Variants in JAK1 observed in about 807,000 individuals in gnomAD.
JAK1 encodes tyrosine-protein kinase JAK1.
In JAK1, 16 loss-of-function variants were observed where a neutral mutation model predicts 136.6. The observed-to-expected ratio is 0.12, with a 90% CI of 0.08 to 0.18. The LOEUF is 0.18. Ranked by LOEUF, JAK1 falls within the 10% of genes least tolerant of loss-of-function variation. JAK1 has a pLI of 1.00. For missense variants in JAK1, 859 were observed against 1,450.1 expected (o/e 0.59, Z 6.62); for synonymous variants, 492 against 519.5 (o/e 0.95, Z 0.72).
chr1:65,051,769 A>G (rs1422299814), intron 1 of JAK1, among the ~76,000 whole-genome samples: 1 of 152,170 alleles, frequency 6.6e-6, no homozygotes, highest in Non-Finnish European at 1.5e-5. Flanking sequence ...AACATCATCA[A>G]TCTCCTCATA....
At chr1:64,936,946 T>C (rs1204322017) in intron 1 of JAK1, among the ~76,000 whole-genome samples, 1 of 151,016 alleles carries the variant, frequency 6.6e-6, no homozygotes, top group Non-Finnish European at 1.5e-5. Flanking sequence ...ATCAAATATA[T>C]GTGAAAAAGA....
intron 2 of JAK1, among the ~76,000 whole-genome samples, chr1:64,998,792 C>T (rs1019730467): frequency 4.6e-5 from 7 of 152,198 alleles, no homozygotes; most frequent in African/African-American, 1.7e-4. Flanking sequence ...TAAGATGTGA[C>T]TTGTTCCTCC....
At chr1:65,047,384 T>C (rs1013393137) in intron 1 of JAK1, among the ~76,000 whole-genome samples, 1 of 152,196 alleles carries the variant, frequency 6.6e-6, no homozygotes, top group Middle Eastern at 3.2e-3. Context: ...CAAAAACATT[T>C]GAACCTGGTC....
chr1:65,060,747 T>C (rs1361346602), intron 1 of JAK1, among the ~76,000 whole-genome samples: 4 of 152,318 alleles, frequency 2.6e-5, no homozygotes, highest in South Asian at 4.1e-4. Flanking sequence ...TTCAAAATGG[T>C]ATTTTTAAAA....
chr1:64,858,803 G>C (rs1656108350), intron 9 of JAK1, among the ~76,000 whole-genome samples: 1 of 152,194 alleles, frequency 6.6e-6, no homozygotes. Context: ...AGGAAAATAA[G>C]GTAGAGTGCA....
At chr1:65,032,308 T>C (rs1367000852) in intron 2 of JAK1, among the ~76,000 whole-genome samples, 1 of 152,150 alleles carries the variant, frequency 6.6e-6, no homozygotes, top group Non-Finnish European at 1.5e-5. Context: ...CAAATCAAGA[T>C]AAGAAACTCA....
chr1:64,965,577 G>A (rs1237774191), intron 1 of JAK1, among the ~76,000 whole-genome samples: 1 of 152,182 alleles, frequency 6.6e-6, no homozygotes, highest in Non-Finnish European at 1.5e-5. Context: ...ACGATGCGCG[G>A]ATGGAGTTGG....
intron 8 of JAK1, among the ~76,000 whole-genome samples, chr1:64,864,227 C>T (rs561575102): frequency 6.6e-6 from 1 of 152,346 alleles, no homozygotes; most frequent in South Asian, 2.1e-4. Flanking sequence ...TCCCCTGACA[C>T]AAACAGGTTT....
chr1:64,857,809 G>C (rs372739192), intron 9 of JAK1, 30 bp from the exon 10 acceptor site: 2 of 1,613,120 alleles, frequency 1.2e-6, no homozygotes, highest in African/African-American at 2.7e-5. Context: ...AAGGGAGAAA[G>C]AGCTCACACC....
At chr1:65,034,825 C>T (rs541988196) in intron 2 of JAK1, among the ~76,000 whole-genome samples, 47 of 152,206 alleles carry the variant, frequency 3.1e-4, no homozygotes, top group African/African-American at 1.1e-3. Context: ...GAGGCCAAGG[C>T]GGGCGGATCA....
intron 1 of JAK1, among the ~76,000 whole-genome samples, chr1:64,949,290 T>C (rs1416069132): frequency 6.6e-6 from 1 of 152,198 alleles, no homozygotes; most frequent in Non-Finnish European, 1.5e-5. Flanking sequence ...GGGCAATACA[T>C]CACTGTCTTA....
chr1:64,840,835 G>A (rs555602345), intron 19 of JAK1, among the ~76,000 whole-genome samples: 2 of 151,962 alleles, frequency 1.3e-5, no homozygotes, highest in East Asian at 3.9e-4. Context: ...TGTCTCTCGG[G>A]GGCAAAAGAA....
At chr1:64,981,745 G>T (rs1258474027) in intron 2 of JAK1, among the ~76,000 whole-genome samples, 1 of 152,158 alleles carries the variant, frequency 6.6e-6, no homozygotes, top group African/African-American at 2.4e-5. Context: ...ACCTTTTGAG[G>T]TGAGATTAGG....
At chr1:65,035,656 T>C (rs564779710) in intron 2 of JAK1, among the ~76,000 whole-genome samples, 46 of 152,350 alleles carry the variant, frequency 3.0e-4, no homozygotes, top group African/African-American at 1.1e-3. Context: ...TGTGATATTT[T>C]CTATAGACAC....
chr1:64,928,797 C>A (rs11208541), intron 1 of JAK1, among the ~76,000 whole-genome samples: 8,843 of 77,036 alleles, frequency 0.11, 222 homozygotes, highest in Middle Eastern at 0.15. Flanking sequence ...AAAAAAAAAA[C>A]AAAAAAAAAA....
chr1:64,936,827 C>T (rs555915032), intron 1 of JAK1, among the ~76,000 whole-genome samples: 4 of 152,226 alleles, frequency 2.6e-5, no homozygotes, highest in South Asian at 2.1e-4. Flanking sequence ...TGGTATCCCA[C>T]GTTGGTGAGA....
At chr1:65,032,113 G>A (rs886465139) in intron 2 of JAK1, among the ~76,000 whole-genome samples, 1 of 151,832 alleles carries the variant, frequency 6.6e-6, no homozygotes, top group Non-Finnish European at 1.5e-5. Flanking sequence ...CTACAGGCAC[G>A]CACCACCACG....
intron 20 of JAK1, 48 bp downstream of exon 20, chr1:64,839,555 A>C: frequency 6.4e-7 from 1 of 1,566,330 alleles, no homozygotes; most frequent in Non-Finnish European, 8.7e-7. Context: ...TTATGACCCT[A>C]GACAGTCACC....
At chr1:65,064,164 G>T (rs1472597611) in intron 1 of JAK1, among the ~76,000 whole-genome samples, 1 of 152,188 alleles carries the variant, frequency 6.6e-6, no homozygotes, top group Non-Finnish European at 1.5e-5. Context: ...AAAAGTAGAT[G>T]CGTAAGCTCA....
Sources: gnomAD v4.1 joint callset for allele counts (sites outside exome capture counted in the v4.1 genomes callset) on GRCh38, gnomAD v4.1.1 for gene constraint, MANE v1.5 for transcripts, NCBI Gene and HGNC (gene_info 2026-07-23, HGNC 2026-07-21) for gene names.